Variants in TAFA1 observed in about 807,000 individuals in gnomAD.
TAFA1 encodes the protein TAFA chemokine like family member 1, also known as chemokine-like protein TAFA-1.
Under a neutral mutation model 18.5 loss-of-function variants are expected in TAFA1, and 4 were observed. The observed-to-expected ratio is 0.22, with a 90% CI of 0.11 to 0.49. The LOEUF (loss-of-function observed/expected upper bound fraction) is 0.49. Among genes scored for constraint, TAFA1 ranks in the 20% least tolerant of loss-of-function variants. TAFA1 has a pLI of 0.98. For synonymous variants in TAFA1, 56 were observed against 55.2 expected (o/e 1.01, Z -0.06); for missense variants, 147 against 169.0 (o/e 0.87, Z 0.72).
chr3:68,373,715 CAT>C (rs1376164566), intron 2 of TAFA1, among the ~76,000 whole-genome samples: 1 of 152,190 alleles, frequency 6.6e-6, no homozygotes, highest in Non-Finnish European at 1.5e-5. Context: ...TTTCATTTTA[CAT>C]CAAGATACGA....
At chr3:68,244,224 C>T (rs574267055) in intron 2 of TAFA1, among the ~76,000 whole-genome samples, 2 of 152,076 alleles carry the variant, frequency 1.3e-5, no homozygotes, top group Non-Finnish European at 2.9e-5. Context: ...CTTTTCATCC[C>T]CTTCATGGGG....
intron 2 of TAFA1, among the ~76,000 whole-genome samples, chr3:68,328,970 T>C (rs1015725074): frequency 2.0e-5 from 3 of 151,920 alleles, no homozygotes; most frequent in Non-Finnish European, 4.4e-5. Flanking sequence ...CCAAGCCATG[T>C]ACAAAATTGA....
intron 3 of TAFA1, among the ~76,000 whole-genome samples, chr3:68,519,049 G>C (rs1479334417): frequency 6.6e-6 from 1 of 152,190 alleles, no homozygotes; most frequent in Non-Finnish European, 1.5e-5. Flanking sequence ...AGGTGGTTGA[G>C]CTTGTTGGTC....
At chr3:68,016,586 T>C (rs552078801) in intron 2 of TAFA1, among the ~76,000 whole-genome samples, 22 of 152,314 alleles carry the variant, frequency 1.4e-4, no homozygotes, top group African/African-American at 5.3e-4. Flanking sequence ...TCATATAGCC[T>C]AGGTGGGTAG....
intron 2 of TAFA1, among the ~76,000 whole-genome samples, chr3:68,295,754 G>A (rs1437812067): frequency 6.6e-6 from 1 of 152,124 alleles, no homozygotes; most frequent in Non-Finnish European, 1.5e-5. Context: ...TTACAAGCAT[G>A]TGCCAGTATG....
intron 3 of TAFA1, among the ~76,000 whole-genome samples, chr3:68,499,694 GT>G (rs1043186839): frequency 2.0e-5 from 3 of 151,564 alleles, no homozygotes; most frequent in Admixed American, 6.6e-5. Flanking sequence ...AACCCCATTA[GT>G]TTTATAGTAG....
At chr3:68,087,101 C>T (rs1162483658) in intron 2 of TAFA1, among the ~76,000 whole-genome samples, 2 of 152,146 alleles carry the variant, frequency 1.3e-5, no homozygotes, top group African/African-American at 4.8e-5. Context: ...TCAAATAACC[C>T]TGCTTAGTTA....
At chr3:68,327,720 A>G (rs1006590618) in intron 2 of TAFA1, among the ~76,000 whole-genome samples, 1 of 152,216 alleles carries the variant, frequency 6.6e-6, no homozygotes, top group Non-Finnish European at 1.5e-5. Context: ...ACAGTTCAGT[A>G]TCATTTATTC....
At chr3:68,496,086 T>C (rs2072544650) in intron 3 of TAFA1, among the ~76,000 whole-genome samples, 1 of 148,036 alleles carries the variant, frequency 6.8e-6, no homozygotes, top group Admixed American at 6.7e-5. Context: ...GGCTAAAGGA[T>C]ACCAAAAGTT....
intron 3 of TAFA1, among the ~76,000 whole-genome samples, chr3:68,452,440 G>A (rs1028345030): frequency 2.8e-5 from 4 of 144,896 alleles, no homozygotes; most frequent in Admixed American, 1.4e-4. Context: ...GGAGAATCGC[G>A]CAAACCCAGG....
chr3:68,436,969 A>G (rs977487331), intron 3 of TAFA1, among the ~76,000 whole-genome samples: 1 of 152,214 alleles, frequency 6.6e-6, no homozygotes, highest in Non-Finnish European at 1.5e-5. Context: ...TTTTATTTAT[A>G]AATATTTTAT....
intron 4 of TAFA1, among the ~76,000 whole-genome samples, 198 bp from the exon 5 acceptor site, chr3:68,544,288 A>T (rs890576990): frequency 6.6e-6 from 1 of 152,156 alleles, no homozygotes; most frequent in African/African-American, 2.4e-5. Context: ...ATTGATAAAA[A>T]TATGGTGGCC....
intron 2 of TAFA1, among the ~76,000 whole-genome samples, chr3:68,043,631 T>C (rs773021389): frequency 3.3e-5 from 5 of 152,192 alleles, no homozygotes; most frequent in Non-Finnish European, 4.4e-5. Context: ...CTTTTTTCCC[T>C]CTGAATTCTA....
At chr3:68,130,379 A>G (rs2065522002) in intron 2 of TAFA1, among the ~76,000 whole-genome samples, 1 of 152,182 alleles carries the variant, frequency 6.6e-6, no homozygotes, top group Non-Finnish European at 1.5e-5. Flanking sequence ...TTTCTCCAAG[A>G]TACAGCTCTG....
intron 2 of TAFA1, among the ~76,000 whole-genome samples, chr3:68,173,852 A>G (rs2066089834): frequency 6.6e-6 from 1 of 152,088 alleles, no homozygotes; most frequent in Non-Finnish European, 1.5e-5. Context: ...AAACAGCAGT[A>G]GAACTGCCAC....
chr3:68,429,065 C>T (rs573314740), intron 3 of TAFA1, among the ~76,000 whole-genome samples: 23 of 151,990 alleles, frequency 1.5e-4, no homozygotes, highest in Admixed American at 1.5e-3. Flanking sequence ...AACTGAAATA[C>T]TGATTTCAGC....
At chr3:68,385,733 TA>T (rs1553684584) in intron 2 of TAFA1, among the ~76,000 whole-genome samples, 2 of 152,074 alleles carry the variant, frequency 1.3e-5, no homozygotes, top group Non-Finnish European at 2.9e-5. Flanking sequence ...CCTTTTTTTT[TA>T]AGTAGTTTCC....
chr3:68,018,250 C>T (rs1013101897), intron 2 of TAFA1, among the ~76,000 whole-genome samples: 21 of 152,150 alleles, frequency 1.4e-4, no homozygotes, highest in African/African-American at 5.1e-4. Context: ...CTCTATGGAA[C>T]ACAAGTCAGC....
chr3:68,210,087 G>A (rs192541422), intron 2 of TAFA1, among the ~76,000 whole-genome samples: 8 of 151,902 alleles, frequency 5.3e-5, no homozygotes, highest in African/African-American at 1.9e-4. Context: ...GAAAATAATT[G>A]GAACTGTCTC....
Sources: gnomAD v4.1 joint callset for allele counts (sites outside exome capture counted in the v4.1 genomes callset) on GRCh38, gnomAD v4.1.1 for gene constraint, MANE v1.5 for transcripts, NCBI Gene and HGNC (gene_info 2026-07-23, HGNC 2026-07-21) for gene names.